USP48: variants seen among roughly 807,000 people sequenced by gnomAD.
USP48 encodes ubiquitin carboxyl-terminal hydrolase 48.
USP48 carries 43 observed loss-of-function variants against 150.7 expected under a neutral mutation model. The ratio of observed to expected loss-of-function variants is 0.29; its 90% confidence interval spans 0.22 to 0.37. USP48 has a LOEUF of 0.37. USP48 is among the 10% of genes least tolerant of loss of function. The pLI is 1.00. For synonymous variants in USP48, 396 were observed against 425.9 expected (o/e 0.93, Z 0.86); for missense variants, 813 against 1,249.6 (o/e 0.65, Z 5.27).
At chr1:21,724,189 G>C in intron 11 of USP48, 94 bp from the exon 12 acceptor site, 2 of 1,232,476 alleles carry the variant, frequency 1.6e-6, no homozygotes, top group Non-Finnish European at 2.3e-6. Context: ...TGCAAACTCT[G>C]TCCAGAGTTA....
intron 1 of USP48, among the ~76,000 whole-genome samples, chr1:21,774,299 A>C (rs1031224564): frequency 8.6e-5 from 13 of 151,970 alleles, no homozygotes; most frequent in African/African-American, 3.1e-4. Context: ...TGTAACTGTG[A>C]GATAACAGAT....
rs549587581 is a variant in USP48, at chr1:21,687,346, C to T, written c.3010-107G>A. The T allele has an allele frequency of 3.0e-5, 32 of 1,052,594 alleles. No individual in the cohort carries two copies. In the African/African-American group the frequency reaches 4.6e-4, roughly 15 times the overall value. 65.2% of individuals were successfully genotyped at this position (1,052,594 alleles called of 1,614,324 possible). ...GATATTGCTATAAGACACAAACACA[C>T]TGTCCAGTAGATAACTCAGTTTCAG... On this transcript the variant is annotated intron_variant, in intron 24 of 26. Coordinates refer to ENST00000308271, the MANE Select transcript of USP48 (RefSeq NM_032236.8).
chr1:21,721,220 C>T, intron 13 of USP48, 54 bp from the exon 14 acceptor site: 1 of 1,596,666 alleles, frequency 6.3e-7, no homozygotes, highest in Non-Finnish European at 8.6e-7. Context: ...AAACACTGTC[C>T]TCCCTTCTTT....
In USP48 at chr1:21,747,114, A is replaced by G; in HGVS notation, c.944T>C (p.Ile315Thr). Residue 315 changes from isoleucine to threonine, a missense_variant, in exon 8 of 27, where the codon ATT becomes ACT. By Grantham distance (89) the Ile-to-Thr change is moderately conservative. Coordinates refer to ENST00000308271, the MANE Select transcript of USP48 (RefSeq NM_032236.8). ...CATATCCAAAATTTCTGAGAAGCCA[A>G]TGTAGGTATTCAGCTTTTTCTTATG... is the stretch of plus-strand genomic sequence containing the variant. ...TGHKKKLNTY[I>T]GFSEILDMEP... is the part of the protein sequence containing the mutation. The G allele has an allele frequency of 1.9e-6, 3 of 1,612,040 alleles. No homozygotes were observed. The highest frequency in any genetic ancestry group is 2.5e-6 in the Non-Finnish European group (3 of 1,179,736).
chr1:21,713,704 G>C (rs1275539881), intron 15 of USP48, among the ~76,000 whole-genome samples: 2 of 152,188 alleles, frequency 1.3e-5, no homozygotes, highest in African/African-American at 4.8e-5. Flanking sequence ...AAGGTGATAT[G>C]AGAGTATCAC....
chr1:21,723,376 T>C (rs1194185323), intron 12 of USP48, among the ~76,000 whole-genome samples: 1 of 151,756 alleles, frequency 6.6e-6, no homozygotes, highest in Non-Finnish European at 1.5e-5. Flanking sequence ...AAAAATTAGC[T>C]GGGCATGGTG....
intron 1 of USP48, among the ~76,000 whole-genome samples, chr1:21,759,181 C>CAAAAAA (rs11341963): frequency 2.9e-5 from 2 of 69,252 alleles, no homozygotes; most frequent in Admixed American, 2.0e-4. Context: ...GACACGGTCT[C>CAAAAAA]AAAAAAAAAA....
chr1:21,752,405 A>T, intron 5 of USP48, 122 bp downstream of exon 5: 1 of 1,179,696 alleles, frequency 8.5e-7, no homozygotes, highest in Non-Finnish European at 1.2e-6. Flanking sequence ...TATTACTATA[A>T]ATATTTCAGG....
intron 1 of USP48, among the ~76,000 whole-genome samples, chr1:21,774,733 T>C (rs2097892900): frequency 6.6e-6 from 1 of 151,868 alleles, no homozygotes; most frequent in Middle Eastern, 3.2e-3. Flanking sequence ...GGCTCACACC[T>C]GTAATCTCAA....
intron 26 of USP48, among the ~76,000 whole-genome samples, chr1:21,680,534 C>T (rs1413282555): frequency 6.6e-6 from 1 of 152,144 alleles, no homozygotes; most frequent in Non-Finnish European, 1.5e-5. Flanking sequence ...AGCTAATTTC[C>T]CAACCTCCCA....
chr1:21,743,086 T>C (rs1023005068), intron 8 of USP48, among the ~76,000 whole-genome samples: 5 of 152,168 alleles, frequency 3.3e-5, no homozygotes, highest in Admixed American at 1.3e-4. Context: ...ATTTTAAATA[T>C]ATCAATAACT....
chr1:21,691,316 C>CAAAAAAA (rs58202473), intron 23 of USP48, among the ~76,000 whole-genome samples: 2 of 83,602 alleles, frequency 2.4e-5, no homozygotes, highest in South Asian at 4.0e-4. Flanking sequence ...CTCCCATCTC[C>CAAAAAAA]AAAAAAAAAA....
rs1324780053 is a variant in USP48, at chr1:21,704,351, T to C, written c.2426A>G (p.Lys809Arg). ...AATTACATGATCCACAACAAAGAGC[T>C]TTTGTATCATTTGCCACTCACTGGG... ...IWPSEWQMIQ[K>R]LFVVDHVIKI... The change falls in exon 20 of 27, where the codon AAG (lysine) becomes AGG (arginine). Residue 809 changes from lysine (K) to arginine (R), a missense_variant. Coordinates refer to ENST00000308271, the MANE Select transcript of USP48 (RefSeq NM_032236.8). The C allele has an allele frequency of 2.5e-6, 4 of 1,613,756 alleles. No homozygotes were observed. In the Admixed American group the frequency reaches 5.0e-5, roughly 20 times the overall value.
chr1:21,729,731 T>C lies in USP48; in HGVS notation c.1273A>G (p.Lys425Glu), dbSNP rs781656054. 1 of 1,613,988 alleles carries C rather than the reference T, an allele frequency of 6.2e-7. No individual in the cohort carries two copies. Among genetic ancestry groups the C allele is most frequent in the East Asian group, 2.2e-5 (1 of 44,874 alleles). ...MLVYRLQTQE[K>E]PNTTVQVPAF... ...GGAACTTGAACAGTAGTGTTGGGCTTTTCTTGAGTTTGCAGTCTATAAACC... is the reference window on the plus strand; with the variant it reads ...GGAACTTGAACAGTAGTGTTGGGCTCTTCTTGAGTTTGCAGTCTATAAACC... The change falls in exon 10 of 27, where the codon AAG becomes GAG. Residue 425 changes from lysine to glutamate, a missense_variant. Physicochemically the swap from Lys to Glu is moderately conservative, Grantham distance 56. Coordinates refer to ENST00000308271, the MANE Select transcript of USP48 (RefSeq NM_032236.8).
rs958442128 is a variant in USP48, at chr1:21,747,100, T to C, written c.958A>G (p.Ile320Val). Residue 320 changes from isoleucine (I) to valine (V), a missense_variant, in exon 8 of 27, where the codon ATT (isoleucine) becomes GTT (valine). Physicochemically the swap from Ile to Val is conservative, Grantham distance 29. Transcript: ENST00000308271. The part of the protein sequence containing the change: ...KLNTYIGFSE[I>V]LDMEPYVEHK... ...TCCACATAAGGCTCCATATCCAAAA[T>C]TTCTGAGAAGCCAATGTAGGTATTC... 4 of 1,612,240 alleles carry C rather than the reference T, an allele frequency of 2.5e-6. No individual in the cohort carries two copies. The highest frequency in any genetic ancestry group is 2.5e-6 in the Non-Finnish European group (3 of 1,179,710).
chr1:21,706,703 G>A (rs2097673663), intron 16 of USP48, 41 bp downstream of exon 16: 30 of 1,609,446 alleles, frequency 1.9e-5, no homozygotes, highest in Non-Finnish European at 2.5e-5. Flanking sequence ...AACCCAGGGA[G>A]GTGGCATGCC....
intron 18 of USP48, 58 bp downstream of exon 18, chr1:21,706,068 A>T: frequency 5.8e-6 from 9 of 1,562,108 alleles, no homozygotes; most frequent in Non-Finnish European, 7.9e-6. Flanking sequence ...ATCTTAAAAA[A>T]TACCAGAGTC....
intron 1 of USP48, 24 bp downstream of exon 1, chr1:21,782,800 C>A: frequency 1.3e-6 from 2 of 1,509,504 alleles, no homozygotes; most frequent in Non-Finnish European, 1.8e-6. Context: ...GAGGAGCCCG[C>A]GAGGCGCGGT....
intron 11 of USP48, chr1:21,727,775 T>C (rs2097743192): frequency 2.8e-6 from 2 of 710,208 alleles, no homozygotes; most frequent in African/African-American, 1.9e-5. Context: ...GACTTGGCAA[T>C]TTTTGTTTAC....
Sources: allele counts gnomAD v4.1 joint callset (sites outside exome capture counted in the v4.1 genomes callset), GRCh38; gene constraint gnomAD v4.1.1; transcripts MANE v1.5; gene names NCBI Gene and HGNC (gene_info 2026-07-23, HGNC 2026-07-21).